The following SPTBN5 variants were observed in gnomAD, a reference collection of about 807,000 sequenced individuals.
The protein encoded by SPTBN5 is spectrin beta chain, non-erythrocytic 5.
Under a neutral mutation model 477.6 loss-of-function variants are expected in SPTBN5, and 513 were observed. That is an observed-to-expected ratio of 1.07 (90% CI 1.00 to 1.16). The LOEUF is 1.16. Ranked by LOEUF, SPTBN5 falls within the 50% of genes most tolerant of loss-of-function variation. The pLI is 0.00. For missense variants in SPTBN5, 5,062 were observed against 4,731.8 expected (o/e 1.07, Z -2.05); for synonymous variants, 2,169 against 2,011.7 (o/e 1.08, Z -2.09).
Position 41,883,192 on chromosome 15 carries a change from C to T in SPTBN5, c.1696G>A (p.Ala566Thr). Residue 566 changes from alanine to threonine, a missense_variant, in exon 9 of 68, where the codon GCA (alanine) becomes ACA (threonine). By Grantham distance (58) the Ala-to-Thr change is moderately conservative. Transcript: ENST00000320955. ...CTCTGCAGCAGCTCCACCACTTCTG[C>T]CAGCTGCTGCCCACAGGCGGTGGAC... ...ARSTACGQQL[A>T]EVVELLQRHD... is the part of the protein sequence containing the mutation. 6.2e-7 allele frequency: 1 copy of T among 1,612,310 alleles called. No homozygotes were observed. Among genetic ancestry groups the T allele is most frequent in the Non-Finnish European group, 8.5e-7 (1 of 1,179,594 alleles).
chr15:41,861,635 C>A, intron 45 of SPTBN5, 100 bp downstream of exon 45: 2 of 1,502,532 alleles, frequency 1.3e-6, no homozygotes, highest in South Asian at 1.3e-5. Flanking sequence ...GTCCCTGGCA[C>A]AGCAGCCCCT....
intron 66 of SPTBN5, chr15:41,850,213 A>G (rs2065705689): frequency 2.0e-6 from 1 of 499,238 alleles, no homozygotes; most frequent in African/African-American, 1.9e-5. Flanking sequence ...GAGGTGGGAA[A>G]TTCTGGAATG....
Position 41,874,416 on chromosome 15 carries a change from A to C in SPTBN5, c.4565T>G (p.Leu1522Arg), listed in dbSNP as rs767312663. 6.2e-7 allele frequency: 1 copy of C among 1,613,524 alleles called. No individual in the cohort carries two copies. Residue 1522 changes from leucine (L) to arginine (R), a missense_variant, in exon 24 of 68, where the codon CTG (leucine) becomes CGG (arginine). Transcript: ENST00000320955. ...GTTGCTCAGGTGGCAGAACTGGTGC[A>C]GCTCCACTGAGGCCTGCAGCTGCAG... ...RGLQLQASVE[L>R]HQFCHLSNME...
In SPTBN5 at chr15:41,877,108, C is replaced by T. The variant is rs1208122979; in HGVS notation, c.3711+8G>A. The T allele has an allele frequency of 2.5e-6, 4 of 1,613,692 alleles. No individual in the cohort carries two copies. The highest frequency in any genetic ancestry group is 1.3e-5 in the African/African-American group (1 of 75,060). On this transcript the variant is annotated splice_region_variant and intron_variant, in intron 18 of 67. Transcript: ENST00000320955. The stretch of plus-strand genomic sequence containing the variant: ...GTGACAGCCTAGCTCCACATTCCTG[C>T]TCCATACCCCAAGGTTGTCCAGGTG...
Position 41,857,392 on chromosome 15 carries a change from CCACCCCAGGCAGGG to C in SPTBN5, c.8453_8466del (p.Ala2818GlyfsTer22). The C allele has an allele frequency of 6.3e-7, 1 of 1,586,182 alleles. No homozygotes were observed. Among genetic ancestry groups the C allele is most frequent in the South Asian group, 1.1e-5 (1 of 87,192 alleles). On this transcript the variant is annotated frameshift_variant, in exon 51 of 68. Transcript: ENST00000320955. LOFTEE classifies it high-confidence loss of function. Reference sequence around the variant, plus strand: ...TCCCTCTGTGTGCCCAGGAGCTCGCCCACCCCAGGCAGGGCCTGGCCCACAGTGGGGGCTCTCAG... The same window carrying C: ...TCCCTCTGTGTGCCCAGGAGCTCGCCCCTGGCCCACAGTGGGGGCTCTCAG...
rs780970778 is a variant in SPTBN5 at position 41,857,221 on chromosome 15, G to C, written c.8621+17C>G. 6 of 1,576,630 alleles carry C rather than the reference G, an allele frequency of 3.8e-6. No homozygotes were observed. The highest frequency in any genetic ancestry group is 5.2e-6 in the Non-Finnish European group (6 of 1,158,690). On this transcript the variant is annotated intron_variant, in intron 51 of 67. Transcript: ENST00000320955. ...AGGAAGGCAGGGAAGAGAAGCTGAG[G>C]GCACGGGTGGATCTACCTCTGAAGC... is the stretch of plus-strand genomic sequence containing the variant.
chr15:41,873,474 A>T lies in SPTBN5; in HGVS notation c.5007+18T>A, dbSNP rs577990853. The T allele has an allele frequency of 6.5e-7, 1 of 1,530,376 alleles. No homozygotes were observed. Among genetic ancestry groups the T allele is most frequent in the Admixed American group, 2.0e-5 (1 of 50,936 alleles). 94.8% of individuals were successfully genotyped at this position (1,530,376 alleles called of 1,614,324 possible). Reference sequence around the variant, plus strand: ...CATCACCCAGACCACACTGCAGGGGAGGCTCAGGACGTGGTACCTGGTGCT... The same window carrying T: ...CATCACCCAGACCACACTGCAGGGGTGGCTCAGGACGTGGTACCTGGTGCT... On this transcript the variant is annotated intron_variant, in intron 26 of 67. Coordinates refer to ENST00000320955, the MANE Select transcript of SPTBN5 (RefSeq NM_016642.4).
chr15:41,851,153 G>A lies in SPTBN5; in HGVS notation c.10744-3C>T. 1 of 1,612,222 alleles carries A rather than the reference G, an allele frequency of 6.2e-7. No homozygotes were observed. The highest frequency in any genetic ancestry group is 8.5e-7 in the Non-Finnish European group (1 of 1,179,376). On this transcript the variant is annotated splice_polypyrimidine_tract_variant and splice_region_variant and intron_variant, in intron 64 of 67. Transcript: ENST00000320955. ...AGGAGGGCTATGGAAGCTACTTTCT[G>A]AGGAGAGATGAGAGGCAGGGGTCAC...
intron 41 of SPTBN5, 32 bp downstream of exon 41, chr15:41,863,672 A>C: frequency 6.4e-7 from 1 of 1,572,532 alleles, no homozygotes; most frequent in Non-Finnish European, 8.7e-7. Flanking sequence ...ATTTGCTCAC[A>C]GCCCCCACCG....
intron 42 of SPTBN5, 62 bp from the exon 43 acceptor site, chr15:41,862,722 C>G: frequency 2.6e-6 from 4 of 1,541,478 alleles, no homozygotes; most frequent in Non-Finnish European, 3.5e-6. Context: ...CAAGCCCCTC[C>G]TCCCCACTTG....
At chr15:41,871,566 G>T (rs369729558) in intron 28 of SPTBN5, 46 bp from the exon 29 acceptor site, 1 of 1,415,656 alleles carries the variant, frequency 7.1e-7, no homozygotes, top group Non-Finnish European at 9.3e-7. Flanking sequence ...AGCTGGTTAG[G>T]CGTCAAGCAG....
At chr15:41,873,166 G>A (rs1049449638) in intron 26 of SPTBN5, among the ~76,000 whole-genome samples, 1 of 152,180 alleles carries the variant, frequency 6.6e-6, no homozygotes, top group East Asian at 1.9e-4. Context: ...GATGTGGAGC[G>A]GGCTGGGCAG....
chr15:41,854,676 C>T, intron 56 of SPTBN5, 106 bp downstream of exon 56: 1 of 980,982 alleles, frequency 1.0e-6, no homozygotes, highest in South Asian at 2.0e-5. Flanking sequence ...TTGAGGCCAG[C>T]AGGGTGTGTG....
rs1407183154 is a variant in SPTBN5 at position 41,882,300 on chromosome 15, G to T, written c.2216C>A (p.Ala739Glu). The change falls in exon 11 of 68, where the codon GCA becomes GAA. Residue 739 changes from alanine (A) to glutamate (E), a missense_variant. Coordinates refer to ENST00000320955, the MANE Select transcript of SPTBN5 (RefSeq NM_016642.4). ...GACCAGCAGGGCTGTCTGCAGCCGT[G>T]CGCCCCGCCCCACCACCCGGGTCTG... ...LLQTRVVGRG[A>E]RLQTALLVLQ... The T allele has an allele frequency of 1.3e-6, 2 of 1,519,738 alleles. No homozygotes were observed. The highest frequency in any genetic ancestry group is 1.8e-6 in the Non-Finnish European group (2 of 1,137,192). The allele number at this position is 1,519,738 out of a possible 1,614,324, so 94.1% of individuals were successfully genotyped here. A position where few individuals can be genotyped will look rare whatever the true frequency, so the allele number is the denominator to read the frequency against.
rs538210569 is a variant in SPTBN5 at position 41,866,015 on chromosome 15, C to T, written c.6822+23G>A. ...GAGGGCTCCTCCCCCCATCTCTCAG[C>T]CCCCACCCAGCTGGGGCTACACCTT... On this transcript the variant is annotated intron_variant, in intron 38 of 67. Transcript: ENST00000320955. The T allele has an allele frequency of 6.5e-6, 10 of 1,549,556 alleles. No homozygotes were observed. In the South Asian group the frequency reaches 1.2e-4, roughly 18 times the overall value.
chr15:41,882,043 G>A lies in SPTBN5; in HGVS notation c.2350C>T (p.Leu784=), dbSNP rs1595503385. 1 of 1,555,070 alleles carries A rather than the reference G, an allele frequency of 6.4e-7. No homozygotes were observed. The highest frequency in any genetic ancestry group is 2.4e-5 in the East Asian group (1 of 41,292). Residue 784 remains leucine, a synonymous_variant, in exon 12 of 68, where the codon CTG becomes TTG. Transcript: ENST00000320955. ...GQDQAAAETL[L]RRHVRLERVL... ...CGCTCCAGCCGCACGTGGCGCCTCA[G>A]CAGGGTCTCGGCGGCCGCCTGGTCC...
In SPTBN5 at chr15:41,872,328, C is replaced by T. The variant is rs1390658829; in HGVS notation, c.5139G>A (p.Arg1713=). The change falls in exon 27 of 68, where the codon CGG becomes CGA. Residue 1713 remains arginine (R), a synonymous_variant. Transcript: ENST00000320955. ...VVQERLREQL[R]ALQELAATRD... ...GTGTGGCCGCCAACTCCTGCAGTGC[C>T]CGCAGCTGCTCCCGGAGCCTCTCCT... 1 of 1,611,124 alleles carries T rather than the reference C, an allele frequency of 6.2e-7. No individual in the cohort carries two copies. Among genetic ancestry groups the T allele is most frequent in the Non-Finnish European group, 8.5e-7 (1 of 1,179,744 alleles).
In SPTBN5 at chr15:41,857,458, TCTCCAGTTC is replaced by T. The variant is rs751390911; in HGVS notation, c.8392_8400del (p.Glu2798_Glu2800del). On this transcript the variant is annotated inframe_deletion, in exon 51 of 68. Coordinates refer to ENST00000320955, the MANE Select transcript of SPTBN5 (RefSeq NM_016642.4). ...TCAACCTCGATGGGCTCCAGCCAGT[TCTCCAGTTC>T]CTCCATGCTCCGCCGCAGACGCAGG... 1.2e-6 allele frequency: 2 copies of T among 1,608,796 alleles called. No individual in the cohort carries two copies. The highest frequency in any genetic ancestry group is 2.7e-5 in the African/African-American group (2 of 74,836).
At chr15:41,885,373 A>C (rs1359751677) in intron 7 of SPTBN5, among the ~76,000 whole-genome samples, 1 of 152,038 alleles carries the variant, frequency 6.6e-6, no homozygotes, top group East Asian at 1.9e-4. Flanking sequence ...AATTTTTCTT[A>C]TATGTCTGTT....
Sources: allele counts gnomAD v4.1 joint callset (sites outside exome capture counted in the v4.1 genomes callset), GRCh38; gene constraint gnomAD v4.1.1; transcripts MANE v1.5; gene names NCBI Gene and HGNC (gene_info 2026-07-23, HGNC 2026-07-21).